DLG2: variants seen among roughly 807,000 people sequenced by gnomAD.
The protein encoded by DLG2 is disks large homolog 2.
A neutral mutation model predicts 132.5 loss-of-function variants in DLG2; 45 were observed. That is an observed-to-expected ratio of 0.34 (90% CI 0.27 to 0.44). The LOEUF (loss-of-function observed/expected upper bound fraction) is 0.44. Among genes scored for constraint, DLG2 ranks in the 20% least tolerant of loss-of-function variants. DLG2 has a pLI of 1.00. For synonymous variants in DLG2, 424 were observed against 419.6 expected (o/e 1.01, Z -0.13); for missense variants, 1,045 against 1,196.9 (o/e 0.87, Z 1.87).
chr11:84,346,703 G>A (rs1400115273), intron 7 of DLG2, among the ~76,000 whole-genome samples: 2 of 152,088 alleles, frequency 1.3e-5, no homozygotes, highest in African/African-American at 2.4e-5. Flanking sequence ...TCAGCCTCCC[G>A]AGTAGCTGGG....
chr11:85,461,466 C>G (rs569718231), intron 3 of DLG2, among the ~76,000 whole-genome samples: 2 of 152,324 alleles, frequency 1.3e-5, no homozygotes, highest in Admixed American at 6.5e-5. Flanking sequence ...CCTGGCTGAT[C>G]TCTACCATAT....
chr11:85,545,846 C>T (rs190487558), intron 3 of DLG2, among the ~76,000 whole-genome samples: 107 of 152,194 alleles, frequency 7.0e-4, no homozygotes, highest in African/African-American at 2.5e-3. Flanking sequence ...TCCCCTTTAC[C>T]ATTTTTTTAT....
chr11:84,151,716 TG>T (rs1488333620), intron 9 of DLG2, among the ~76,000 whole-genome samples: 3 of 152,230 alleles, frequency 2.0e-5, no homozygotes, highest in Non-Finnish European at 4.4e-5. Context: ...CTGCTTTCAC[TG>T]AATCCTAGAG....
intron 9 of DLG2, among the ~76,000 whole-genome samples, chr11:84,139,629 T>C (rs2094755623): frequency 6.6e-6 from 1 of 152,112 alleles, no homozygotes; most frequent in African/African-American, 2.4e-5. Context: ...GGTATTATTA[T>C]CATCCCTGCT....
intron 7 of DLG2, among the ~76,000 whole-genome samples, chr11:84,352,026 T>C (rs1314780233): frequency 6.6e-6 from 1 of 152,214 alleles, no homozygotes; most frequent in Admixed American, 6.5e-5. Flanking sequence ...AACCACATGA[T>C]ATTTTCTCAT....
intron 7 of DLG2, among the ~76,000 whole-genome samples, chr11:84,500,052 T>G (rs1179620140): frequency 6.6e-6 from 1 of 152,044 alleles, no homozygotes; most frequent in Non-Finnish European, 1.5e-5. Context: ...ACAAGATCCA[T>G]GCTCTCAAGG....
chr11:85,536,638 A>G (rs1456863654), intron 3 of DLG2, among the ~76,000 whole-genome samples: 1 of 152,178 alleles, frequency 6.6e-6, no homozygotes, highest in East Asian at 1.9e-4. Context: ...CGCAGGCAGG[A>G]GCTGGGGCTG....
At position 84,533,456 on chromosome 11, in the gene DLG2, T is replaced by C. The variant is rs182009517; in HGVS notation, c.519+1114A>G. Among the ~76,000 whole-genome samples the C allele has an allele frequency of 3.9e-5, 6 of 152,326 alleles. No homozygotes were observed. In the East Asian group the frequency reaches 1.2e-3, roughly 29 times the overall value. On this transcript the variant is annotated intron_variant, in intron 7 of 27. Transcript: ENST00000376104. ...AATATTAATATTTACATATTTTTAG[T>C]TACTATATAATATTTACTGGAATTT...
intron 3 of DLG2, among the ~76,000 whole-genome samples, chr11:85,346,641 A>G (rs1189322646): frequency 6.6e-6 from 1 of 152,126 alleles, no homozygotes; most frequent in Non-Finnish European, 1.5e-5. Context: ...TTAACCGTAA[A>G]CATCTAGAGG....
intron 9 of DLG2, among the ~76,000 whole-genome samples, chr11:84,144,339 C>G (rs1022746670): frequency 6.6e-6 from 1 of 152,106 alleles, no homozygotes; most frequent in Non-Finnish European, 1.5e-5. Context: ...GAAACCCCTA[C>G]AGTCACAAAA....
chr11:84,978,848 A>C (rs1401998138), intron 6 of DLG2, among the ~76,000 whole-genome samples: 1 of 152,228 alleles, frequency 6.6e-6, no homozygotes, highest in African/African-American at 2.4e-5. Context: ...TCTGCACAGC[A>C]AAAGAAACTA....
intron 17 of DLG2, 43 bp from the exon 18 acceptor site, chr11:83,786,835 A>G (rs1364531471): frequency 1.9e-6 from 3 of 1,575,834 alleles, no homozygotes; most frequent in East Asian, 2.2e-5. Context: ...TTCATAAGGC[A>G]TATTATCCTG....
chr11:84,030,208 T>TA (rs1048888080), intron 11 of DLG2, among the ~76,000 whole-genome samples: 1 of 152,130 alleles, frequency 6.6e-6, no homozygotes, highest in Non-Finnish European at 1.5e-5. Flanking sequence ...AATTATCAAA[T>TA]AAAATCATAA....
At chr11:84,447,857 T>A (rs2099040057) in intron 7 of DLG2, among the ~76,000 whole-genome samples, 1 of 152,042 alleles carries the variant, frequency 6.6e-6, no homozygotes, top group Admixed American at 6.6e-5. Flanking sequence ...AATAGACTGA[T>A]AATGGCAGTA....
intron 11 of DLG2, among the ~76,000 whole-genome samples, chr11:83,981,678 C>A (rs897761101): frequency 6.6e-6 from 1 of 152,078 alleles, no homozygotes; most frequent in Non-Finnish European, 1.5e-5. Context: ...CTCAGGTGAT[C>A]CACCTAACTT....
chr11:84,436,580 T>C (rs1191429092), intron 7 of DLG2, among the ~76,000 whole-genome samples: 1 of 152,228 alleles, frequency 6.6e-6, no homozygotes, highest in Non-Finnish European at 1.5e-5. Context: ...GCATTGGATA[T>C]TGATTCCCTA....
At chr11:84,704,613 C>G (rs188577128) in intron 6 of DLG2, among the ~76,000 whole-genome samples, 78 of 151,370 alleles carry the variant, frequency 5.2e-4, no homozygotes, top group African/African-American at 1.9e-3. Flanking sequence ...AGTATACAAC[C>G]TAAATTTTCT....
At chr11:84,714,428 G>A (rs757372662) in intron 6 of DLG2, among the ~76,000 whole-genome samples, 5 of 152,044 alleles carry the variant, frequency 3.3e-5, no homozygotes, top group African/African-American at 7.2e-5. Flanking sequence ...AAGGCAGAAG[G>A]TTCCAGGGAA....
chr11:84,247,497 G>C (rs2097317082), intron 8 of DLG2, among the ~76,000 whole-genome samples: 1 of 152,024 alleles, frequency 6.6e-6, no homozygotes, highest in Admixed American at 6.6e-5. Flanking sequence ...GTTTCTGCTT[G>C]GGTGATTTTA....
Sources: allele counts gnomAD v4.1 joint callset (sites outside exome capture counted in the v4.1 genomes callset), GRCh38; gene constraint gnomAD v4.1.1; transcripts MANE v1.5; gene names NCBI Gene and HGNC (gene_info 2026-07-23, HGNC 2026-07-21).